Variants in DOCK7 observed in about 807,000 individuals in gnomAD.
DOCK7 encodes the protein dedicator of cytokinesis protein 7.
A neutral mutation model predicts 271.0 loss-of-function variants in DOCK7; 138 were observed. The observed-to-expected ratio is 0.51, with a 90% CI of 0.44 to 0.59. The LOEUF (loss-of-function observed/expected upper bound fraction) is 0.59. Among genes scored for constraint, DOCK7 ranks in the 20% least tolerant of loss-of-function variants. The probability of loss-of-function intolerance (pLI) is 0.00; values close to 1 mark genes in which losing one functional copy is unlikely to be tolerated. For synonymous variants in DOCK7, 823 were observed against 876.1 expected, an observed-to-expected ratio of 0.94 and a Z score of 1.07; for missense variants, 2,066 against 2,592.4, an observed-to-expected ratio of 0.80 and a Z score of 4.41.
At chr1:62,641,451 T>A (rs1656016837) in intron 7 of DOCK7, 1 of 416,002 alleles carries the variant, frequency 2.4e-6, no homozygotes, top group Admixed American at 2.5e-5. Context: ...CCTCACTTGG[T>A]CTTGTGGGGC....
intron 14 of DOCK7, among the ~76,000 whole-genome samples, chr1:62,591,001 AG>A (rs2149510570): frequency 6.6e-6 from 1 of 152,314 alleles, no homozygotes; most frequent in African/African-American, 2.4e-5. Context: ...ATATACCCGG[AG>A]GAATATAAAT....
chr1:62,666,417 C>A (rs1336002165), intron 1 of DOCK7, among the ~76,000 whole-genome samples: 6 of 151,922 alleles, frequency 3.9e-5, no homozygotes. Flanking sequence ...CATTAATTTC[C>A]CCCCAAAAAA....
chr1:62,602,244 T>C (rs756151432), intron 14 of DOCK7: 4 of 1,494,254 alleles, frequency 2.7e-6, no homozygotes, highest in Middle Eastern at 1.8e-4. Flanking sequence ...TCTGTCAACA[T>C]AAATCTACTA....
At chr1:62,577,226 T>G in intron 18 of DOCK7, 36 bp downstream of exon 18, 1 of 1,313,530 alleles carries the variant, frequency 7.6e-7, no homozygotes. Context: ...ACCCATTTCA[T>G]TCAATCTGGA....
chr1:62,485,617 T>C, intron 43 of DOCK7: 11 of 985,330 alleles, frequency 1.1e-5, no homozygotes, highest in Non-Finnish European at 1.3e-5. Flanking sequence ...ACTGAAGTTT[T>C]CATCGAGTCA....
At chr1:62,464,992 A>G (rs909646127) in intron 48 of DOCK7, among the ~76,000 whole-genome samples, 1 of 152,256 alleles carries the variant, frequency 6.6e-6, no homozygotes, top group Admixed American at 6.5e-5. Flanking sequence ...ATCATAAAAT[A>G]TATACAAAAC....
Position 62,583,272 on chromosome 1 carries a change from A to C in DOCK7, c.1801-18T>G. 6.2e-7 allele frequency: 1 copy of C among 1,601,236 alleles called. No individual in the cohort carries two copies. On this transcript the variant is annotated intron_variant, in intron 15 of 49. Transcript: ENST00000635253. ...AAGATTACCTGAAACAAATAACAGC[A>C]TGTTGAAACTTTGTTGTAGTAAATG...
rs570649220 is a variant in DOCK7, at chr1:62,667,743, C to A, written c.39-4613G>T. On this transcript the variant is annotated intron_variant, in intron 1 of 49. Transcript: ENST00000635253. Reference sequence around the variant, plus strand: ...AAAATAAATAAATAAATAGGCCGGGCGCAGTGGCTCACGCCTGTAATCCCA... The same window carrying A: ...AAAATAAATAAATAAATAGGCCGGGAGCAGTGGCTCACGCCTGTAATCCCA... Among the ~76,000 whole-genome samples the A allele has an allele frequency of 3.9e-5, 6 of 152,088 alleles. No homozygotes were observed. The South Asian group carries it at 1.0e-3, about 26-fold the overall frequency.
At chr1:62,636,125 G>A (rs2149639823) in intron 8 of DOCK7, among the ~76,000 whole-genome samples, 1 of 152,154 alleles carries the variant, frequency 6.6e-6, no homozygotes, top group African/African-American at 2.4e-5. Flanking sequence ...AGTGGCGGGC[G>A]CCTGTAGTCC....
Position 62,540,089 on chromosome 1 carries a change from T to G in DOCK7, c.3046-197A>C, listed in dbSNP as rs1645479445. 4.6e-5 allele frequency among the ~76,000 whole-genome samples: 7 copies of G among 151,998 alleles called. No homozygotes were observed. The South Asian group carries it at 1.5e-3, about 32-fold the overall frequency. On this transcript the variant is annotated intron_variant, in intron 25 of 49. Transcript: ENST00000635253. ...AAATAAAATAAAAAAACCACCATAT[T>G]ACTTTCAGAAAATTATGCTAGCTAA... is the stretch of plus-strand genomic sequence containing the variant.
rs777828287 is a variant in DOCK7, at chr1:62,504,715, T to C, written c.4679A>G (p.His1560Arg). 1.2e-6 allele frequency: 2 copies of C among 1,614,120 alleles called. No individual in the cohort carries two copies. The highest frequency in any genetic ancestry group is 1.7e-5 in the Admixed American group (1 of 60,018). Reference protein sequence around the residue: ...CADLCLRLLRHCSSSIGTIRS... With the variant: ...CADLCLRLLRRCSSSIGTIRS... ...TATTGTACCGATGCTACTGCTACAG[T>C]GTCGGAGAAGCCTGAGGCATAAATC... is the stretch of plus-strand genomic sequence containing the variant. Residue 1560 changes from histidine to arginine, a missense_variant, in exon 37 of 50, where the codon CAC becomes CGC. His to Arg is a conservative substitution (Grantham distance 29). Around this residue, in one of 2 missense-constraint regions of DOCK7, gnomAD observed 652 missense variants for 922.1 expected, o/e 0.71. Coordinates refer to ENST00000635253, the MANE Select transcript of DOCK7 (RefSeq NM_001367561.1).
intron 14 of DOCK7, among the ~76,000 whole-genome samples, chr1:62,617,876 G>C (rs900411807): frequency 6.6e-6 from 1 of 151,990 alleles, no homozygotes; most frequent in Non-Finnish European, 1.5e-5. Flanking sequence ...ATATATTTTG[G>C]AAGTAGAGCC....
At chr1:62,635,155 A>G in intron 8 of DOCK7, 2 of 319,008 alleles carry the variant, frequency 6.3e-6, no homozygotes, top group Non-Finnish European at 1.1e-5. Flanking sequence ...TTATTTATCT[A>G]CAGATAGTAG....
chr1:62,602,265 AT>A, intron 14 of DOCK7: 1 of 1,566,788 alleles, frequency 6.4e-7, no homozygotes, highest in Non-Finnish European at 8.8e-7. Context: ...AAAATACATG[AT>A]TTCATTCATT....
intron 23 of DOCK7, 115 bp from the exon 24 acceptor site, chr1:62,543,860 C>T: frequency 3.0e-6 from 2 of 668,780 alleles, no homozygotes; most frequent in Non-Finnish European, 4.8e-6. Context: ...GTTTCAAAAA[C>T]CATCTATTTT....
At chr1:62,469,906 CAAAAA>C (rs35490114) in intron 48 of DOCK7, among the ~76,000 whole-genome samples, 7 of 137,700 alleles carry the variant, frequency 5.1e-5, no homozygotes, top group Non-Finnish European at 6.3e-5. Flanking sequence ...ATCAAAAACT[CAAAAA>C]AAAAAAAAAA....
intron 37 of DOCK7, among the ~76,000 whole-genome samples, chr1:62,501,081 C>A (rs932759671): frequency 9.2e-5 from 14 of 152,060 alleles, no homozygotes; most frequent in African/African-American, 3.4e-4. Context: ...GGCGAGGTGG[C>A]TCATACCTGC....
chr1:62,629,251 T>A (rs1005166723), intron 11 of DOCK7: 4 of 152,102 alleles, frequency 2.6e-5, no homozygotes, highest in Non-Finnish European at 5.9e-5. Context: ...TATATCTACA[T>A]ATCTAAGGAA....
intron 46 of DOCK7, 165 bp from the exon 47 acceptor site, chr1:62,475,516 T>C: frequency 2.6e-6 from 3 of 1,133,524 alleles, no homozygotes; most frequent in Non-Finnish European, 1.2e-6. Flanking sequence ...AAAATCAACC[T>C]TTTAAAGAAA....
Sources: gnomAD v4.1 joint callset for allele counts (sites outside exome capture counted in the v4.1 genomes callset) on GRCh38, gnomAD v4.1.1 for gene constraint, gnomAD v4.1.1 regional missense constraint, MANE v1.5 for transcripts, NCBI Gene and HGNC (gene_info 2026-07-23, HGNC 2026-07-21) for gene names.